The following EPHA6 variants were observed in gnomAD, a reference collection of about 807,000 sequenced individuals.
EPHA6 encodes the protein ephrin type-A receptor 6.
In EPHA6, 50 loss-of-function variants were observed where a neutral mutation model predicts 112.0. The ratio of observed to expected loss-of-function variants is 0.45; its 90% CI spans 0.36 to 0.56. The LOEUF is 0.56. Among genes scored for constraint, EPHA6 ranks in the 20% least tolerant of loss-of-function variants. The pLI, the probability that EPHA6 is intolerant of heterozygous loss-of-function variation, is 0.00. For missense variants in EPHA6, 1,280 were observed against 1,417.4 expected (o/e 0.90, Z 1.56); for synonymous variants, 529 against 490.7 (o/e 1.08, Z -1.03).
At position 97,751,329 on chromosome 3, in the gene EPHA6, A is replaced by T. The variant is rs1209596862; in HGVS notation, c.*2628A>T. Among the ~76,000 whole-genome samples the T allele has an allele frequency of 6.6e-6, 1 of 152,042 alleles. No homozygotes were observed. Among genetic ancestry groups the T allele is most frequent in the Non-Finnish European group, 1.5e-5 (1 of 67,982 alleles). The stretch of plus-strand genomic sequence containing the variant: ...TGTACTTATTTTTTCTTTCTCTAAC[A>T]TCTTTTGATAGTATCATAAAACTAC... On this transcript the variant is annotated 3_prime_UTR_variant, in exon 18 of 18. Transcript: ENST00000389672.
In EPHA6 at chr3:97,532,370, A is replaced by T; in HGVS notation, c.2213A>T (p.Glu738Val). Residue 738 changes from glutamate (E) to valine (V), a missense_variant, in exon 11 of 18, where the codon GAA becomes GTA. Glu to Val is a moderately radical substitution (Grantham distance 121, BLOSUM62 -2). Coordinates refer to ENST00000389672, the MANE Select transcript of EPHA6 (RefSeq NM_001080448.3). ...ERVIGAGEFG[E>V]VCSGRLKTPG... ...TTCATATTTTAAGGTGAATTTGGAG[A>T]AGTCTGTAGTGGGCGTTTGAAGACA... 1 of 1,595,398 alleles carries T rather than the reference A, an allele frequency of 6.3e-7. No homozygotes were observed. The highest frequency in any genetic ancestry group is 1.1e-5 in the South Asian group (1 of 87,852).
chr3:96,993,871 A>G (rs2043307494), intron 3 of EPHA6, among the ~76,000 whole-genome samples: 1 of 152,136 alleles, frequency 6.6e-6, no homozygotes, highest in Non-Finnish European at 1.5e-5. Context: ...TGAATTTGAG[A>G]CCTCTTGGTC....
chr3:97,234,355 A>G (rs2078620204), intron 4 of EPHA6, among the ~76,000 whole-genome samples: 1 of 152,236 alleles, frequency 6.6e-6, no homozygotes, highest in Admixed American at 6.5e-5. Flanking sequence ...TCTTCTCTAA[A>G]ACAAATACCT....
intron 7 of EPHA6, among the ~76,000 whole-genome samples, chr3:97,451,142 G>A (rs1560023249): frequency 1.3e-5 from 2 of 151,946 alleles, no homozygotes; most frequent in African/African-American, 4.8e-5. Flanking sequence ...GCCAAACCAA[G>A]AGCACTTTTT....
At chr3:97,642,721 G>A (rs1469096809) in intron 14 of EPHA6, among the ~76,000 whole-genome samples, 8 of 151,884 alleles carry the variant, frequency 5.3e-5, no homozygotes, top group African/African-American at 9.7e-5. Flanking sequence ...GAAATGAAGC[G>A]AGAAGGGAAG....
intron 11 of EPHA6, among the ~76,000 whole-genome samples, chr3:97,561,060 T>G (rs1429109020): frequency 2.6e-5 from 4 of 151,998 alleles, no homozygotes; most frequent in African/African-American, 9.7e-5. Flanking sequence ...CAATGTTGTG[T>G]GTTTTCTGAC....
chr3:97,609,029 G>A (rs529007944), intron 12 of EPHA6, among the ~76,000 whole-genome samples: 1 of 151,338 alleles, frequency 6.6e-6, no homozygotes, highest in African/African-American at 2.4e-5. Flanking sequence ...TGGAATGCTT[G>A]CAAGCTCTTT....
intron 13 of EPHA6, among the ~76,000 whole-genome samples, chr3:97,630,223 A>G (rs929938452): frequency 2.0e-5 from 3 of 151,930 alleles, no homozygotes; most frequent in Non-Finnish European, 4.4e-5. Flanking sequence ...TAAAAATATA[A>G]CTGTGCCTAG....
chr3:96,870,625 A>C (rs1190141797), intron 2 of EPHA6, among the ~76,000 whole-genome samples: 1 of 152,148 alleles, frequency 6.6e-6, no homozygotes, highest in Non-Finnish European at 1.5e-5. Context: ...AAAATTAACC[A>C]TCACAGTTAG....
chr3:96,824,993 C>T (rs2033552366), intron 1 of EPHA6, among the ~76,000 whole-genome samples: 1 of 151,678 alleles, frequency 6.6e-6, no homozygotes, highest in Non-Finnish European at 1.5e-5. Flanking sequence ...ATAAACTTTA[C>T]ATACAAATAA....
chr3:97,580,875 A>G (rs2093431004), intron 11 of EPHA6, among the ~76,000 whole-genome samples: 1 of 152,130 alleles, frequency 6.6e-6, no homozygotes, highest in South Asian at 2.1e-4. Context: ...TTTCAAACCC[A>G]TTTCACACTT....
intron 4 of EPHA6, among the ~76,000 whole-genome samples, chr3:97,231,265 C>A (rs1356731366): frequency 6.6e-6 from 1 of 152,100 alleles, no homozygotes; most frequent in Admixed American, 6.5e-5. Flanking sequence ...ACCCAGGAAG[C>A]TTTCTTTCTC....
intron 6 of EPHA6, among the ~76,000 whole-genome samples, chr3:97,435,957 A>G (rs992428347): frequency 2.0e-5 from 3 of 152,092 alleles, no homozygotes; most frequent in African/African-American, 7.2e-5. Flanking sequence ...AACTACAAAA[A>G]CCTTTTGTGT....
At chr3:97,452,329 T>G (rs1447111468) in intron 7 of EPHA6, among the ~76,000 whole-genome samples, 4 of 151,906 alleles carry the variant, frequency 2.6e-5, no homozygotes, top group African/African-American at 9.7e-5. Context: ...TAAAACAACC[T>G]TATTGCATAT....
intron 3 of EPHA6, among the ~76,000 whole-genome samples, chr3:97,151,376 T>C (rs1337348619): frequency 6.6e-6 from 1 of 152,186 alleles, no homozygotes; most frequent in African/African-American, 2.4e-5. Flanking sequence ...TGAGGAAATA[T>C]AAAATGTTTT....
At chr3:97,211,508 G>A (rs2077874045) in intron 3 of EPHA6, among the ~76,000 whole-genome samples, 1 of 152,080 alleles carries the variant, frequency 6.6e-6, no homozygotes, top group Admixed American at 6.6e-5. Context: ...CAGAAGATCT[G>A]GTGTCTGGTG....
At chr3:97,314,901 T>C (rs181421511) in intron 5 of EPHA6, among the ~76,000 whole-genome samples, 2,775 of 151,768 alleles carry the variant, frequency 0.018, 30 homozygotes, top group Non-Finnish European at 0.032. Context: ...ACCAGCTGCA[T>C]CTTTATCTAG....
At chr3:97,525,226 C>A (rs1051817005) in intron 10 of EPHA6, among the ~76,000 whole-genome samples, 2 of 151,908 alleles carry the variant, frequency 1.3e-5, no homozygotes, top group African/African-American at 4.8e-5. Flanking sequence ...TTCAAATAAT[C>A]TTTCTTCAAA....
At chr3:97,611,280 A>G (rs912427036) in intron 13 of EPHA6, among the ~76,000 whole-genome samples, 4 of 151,890 alleles carry the variant, frequency 2.6e-5, no homozygotes, top group Non-Finnish European at 5.9e-5. Context: ...ACTCAAGTTC[A>G]TTTCAGAAAA....
Sources: allele counts gnomAD v4.1 joint callset (sites outside exome capture counted in the v4.1 genomes callset), GRCh38; gene constraint gnomAD v4.1.1; transcripts MANE v1.5; gene names NCBI Gene and HGNC (gene_info 2026-07-23, HGNC 2026-07-21).